Variants in NUP155 observed in about 807,000 individuals in gnomAD.
NUP155 encodes nucleoporin 155.
NUP155 carries 71 observed loss-of-function variants against 180.4 expected under a neutral mutation model. The ratio of observed to expected loss-of-function variants is 0.39; its 90% CI spans 0.33 to 0.48. The LOEUF is 0.48. Among genes scored for constraint, NUP155 ranks in the 20% least tolerant of loss-of-function variants. The pLI is 0.91. For synonymous variants in NUP155, 582 were observed against 559.5 expected, an observed-to-expected ratio of 1.04 and a Z score of -0.57; for missense variants, 1,553 against 1,648.9, an observed-to-expected ratio of 0.94 and a Z score of 1.01.
At chr5:37,320,304 C>T (rs1414366428) in intron 20 of NUP155, among the ~76,000 whole-genome samples, 1 of 151,768 alleles carries the variant, frequency 6.6e-6, no homozygotes, top group Non-Finnish European at 1.5e-5. Flanking sequence ...AAGGAGAAAC[C>T]CCGTCTCTAC....
chr5:37,334,701 A>T (rs1745204380), intron 12 of NUP155, among the ~76,000 whole-genome samples: 1 of 152,112 alleles, frequency 6.6e-6, no homozygotes, highest in Admixed American at 6.6e-5. Flanking sequence ...GGCATTTTCT[A>T]TACTAATACA....
chr5:37,368,413 TTAAGA>T (rs1417190239), intron 1 of NUP155, among the ~76,000 whole-genome samples: 2 of 151,962 alleles, frequency 1.3e-5, no homozygotes, highest in African/African-American at 4.8e-5. Flanking sequence ...TTTCTTTTCT[TTAAGA>T]GGCTGGGTTT....
At chr5:37,295,171 C>T (rs1288288207) in intron 32 of NUP155, among the ~76,000 whole-genome samples, 1 of 152,158 alleles carries the variant, frequency 6.6e-6, no homozygotes, top group East Asian at 1.9e-4. Context: ...CTCAGCCTGC[C>T]GAGTGCCTGC....
rs1396071064 is a variant in NUP155 at position 37,333,495 on chromosome 5, G to A, written c.1486C>T (p.Pro496Ser). 3 of 1,614,130 alleles carry A rather than the reference G, an allele frequency of 1.9e-6. No homozygotes were observed. Among genetic ancestry groups the A allele is most frequent in the South Asian group, 1.1e-5 (1 of 91,088 alleles). ...GAGAGGAGAACAAATTTCTTCGGAG[G>A]TAACATGTGCTGCTGTACAACAACT... ...SPVVVQQHMLPPKKFVLLSAQ... is the reference protein window; with the variant it reads ...SPVVVQQHMLSPKKFVLLSAQ... The change falls in exon 13 of 35, where the codon CCT becomes TCT. Residue 496 changes from proline to serine, a missense_variant. Coordinates refer to ENST00000231498, the MANE Select transcript of NUP155 (RefSeq NM_153485.3).
chr5:37,332,219 T>TAAATTCCA (rs1448866399), intron 13 of NUP155, among the ~76,000 whole-genome samples: 1 of 131,726 alleles, frequency 7.6e-6, no homozygotes, highest in Non-Finnish European at 1.6e-5. Flanking sequence ...TATACCAGAG[T>TAAATTCCA]AAATTCCAAA....
At chr5:37,349,268 AAAG>A in intron 7 of NUP155, 23 bp from the exon 8 acceptor site, 3 of 745,802 alleles carry the variant, frequency 4.0e-6, no homozygotes, top group Non-Finnish European at 6.5e-6. Context: ...CAAAAAAAAA[AAAG>A]AGAAAAAAGT....
chr5:37,333,647 A>G lies in NUP155; in HGVS notation c.1348-14T>C. 2 of 1,607,420 alleles carry G rather than the reference A, an allele frequency of 1.2e-6. No homozygotes were observed. Among genetic ancestry groups the G allele is most frequent in the Non-Finnish European group, 1.7e-6 (2 of 1,175,298 alleles). On this transcript the variant is annotated splice_polypyrimidine_tract_variant and intron_variant, in intron 12 of 34. Transcript: ENST00000231498. Reference sequence around the variant, plus strand: ...ACCAGCTGTCATCTATGTAAAAGAAATAAATGTTTTATACATCATATTGAA... The same window carrying G: ...ACCAGCTGTCATCTATGTAAAAGAAGTAAATGTTTTATACATCATATTGAA...
chr5:37,358,481 CAG>C (rs1028562492), intron 3 of NUP155, among the ~76,000 whole-genome samples: 1 of 151,918 alleles, frequency 6.6e-6, no homozygotes, highest in Non-Finnish European at 1.5e-5. Context: ...AAAAGAAAAA[CAG>C]AAAACCAAGT....
chr5:37,342,885 C>T (rs181442609), intron 9 of NUP155, among the ~76,000 whole-genome samples: 24 of 151,974 alleles, frequency 1.6e-4, no homozygotes, highest in South Asian at 1.2e-3. Flanking sequence ...TACGGGCTCG[C>T]GCCAGCACGC....
At position 37,299,577 on chromosome 5, in the gene NUP155, G is replaced by A; in HGVS notation, c.3562-9C>T. The A allele has an allele frequency of 6.2e-7, 1 of 1,613,782 alleles. No individual in the cohort carries two copies. Among genetic ancestry groups the A allele is most frequent in the Non-Finnish European group, 8.5e-7 (1 of 1,179,824 alleles). The stretch of plus-strand genomic sequence containing the variant: ...GCAAATTCCCCATAAAGCTGTGAGA[G>A]AAAATCCCAAAATTAACATCCAACT... On this transcript the variant is annotated splice_polypyrimidine_tract_variant and intron_variant, in intron 30 of 34. Transcript: ENST00000231498.
At chr5:37,349,725 G>C (rs1561805863) in intron 7 of NUP155, among the ~76,000 whole-genome samples, 1 of 152,022 alleles carries the variant, frequency 6.6e-6, no homozygotes, top group Non-Finnish European at 1.5e-5. Flanking sequence ...ATTAATCTTT[G>C]GGTATACAGA....
intron 3 of NUP155, among the ~76,000 whole-genome samples, chr5:37,361,984 GAC>G (rs1451095250): frequency 2.0e-5 from 3 of 152,258 alleles, no homozygotes; most frequent in African/African-American, 7.2e-5. Flanking sequence ...GCCATGTGAG[GAC>G]AGAGTGAAAA....
intron 3 of NUP155, among the ~76,000 whole-genome samples, chr5:37,363,508 A>T (rs1016006666): frequency 2.0e-5 from 3 of 152,186 alleles, no homozygotes; most frequent in Admixed American, 6.5e-5. Flanking sequence ...AAATAAATAA[A>T]TATCACATGC....
chr5:37,361,053 G>C (rs892933027), intron 3 of NUP155, among the ~76,000 whole-genome samples: 3 of 152,030 alleles, frequency 2.0e-5, no homozygotes, highest in African/African-American at 7.2e-5. Flanking sequence ...CAAATCACTG[G>C]AGGCCAGGAG....
intron 9 of NUP155, among the ~76,000 whole-genome samples, chr5:37,342,864 G>A (rs1745823771): frequency 6.6e-6 from 1 of 152,032 alleles, no homozygotes; most frequent in African/African-American, 2.4e-5. Context: ...AGCCTCCTGA[G>A]TAGCTGGGAT....
chr5:37,315,029 C>T (rs1469036806), intron 21 of NUP155, among the ~76,000 whole-genome samples: 2 of 152,126 alleles, frequency 1.3e-5, no homozygotes, highest in African/African-American at 4.8e-5. Flanking sequence ...GTCATGAGTT[C>T]AAGACCGGCC....
At position 37,365,752 on chromosome 5, in the gene NUP155, T is replaced by TATACACAC. The variant is rs1403169370; in HGVS notation, c.158-1369_158-1368insGTGTGTAT. On this transcript the variant is annotated intron_variant, in intron 1 of 34. Coordinates refer to ENST00000231498, the MANE Select transcript of NUP155 (RefSeq NM_153485.3). Reference sequence around the variant, plus strand: ...AAAAAAAAAAAAATATATATATATATACACACACACACACACACACACACA... The same window carrying TATACACAC: ...AAAAAAAAAAAAATATATATATATATATACACACACACACACACACACACACACACACA... Among the ~76,000 whole-genome samples the TATACACAC allele has an allele frequency of 1.9e-3, 73 of 37,880 alleles. 1 individual carries two copies. The highest frequency in any genetic ancestry group is 3.6e-3 in the Admixed American group (7 of 1,920). The allele number at this position is 37,880 out of a possible 152,430, so 24.9% of individuals were successfully genotyped here.
intron 12 of NUP155, among the ~76,000 whole-genome samples, chr5:37,335,735 A>G (rs1745288412): frequency 1.3e-5 from 2 of 152,150 alleles, no homozygotes; most frequent in Non-Finnish European, 2.9e-5. Flanking sequence ...GGATCCCTTA[A>G]GCTTAGGAAT....
intron 21 of NUP155, among the ~76,000 whole-genome samples, chr5:37,317,176 T>C (rs560055582): frequency 7.3e-6 from 1 of 136,282 alleles, no homozygotes; most frequent in African/African-American, 2.8e-5. Flanking sequence ...CTCAAAAAAA[T>C]AAATAAATAA....
Sources: gnomAD v4.1 joint callset for allele counts (sites outside exome capture counted in the v4.1 genomes callset) on GRCh38, gnomAD v4.1.1 for gene constraint, MANE v1.5 for transcripts, NCBI Gene and HGNC (gene_info 2026-07-23, HGNC 2026-07-21) for gene names.